NELL1: variants seen among roughly 807,000 people sequenced by gnomAD.
NELL1 encodes protein kinase C-binding protein NELL1.
NELL1 carries 76 observed loss-of-function variants against 107.4 expected under a neutral mutation model. The observed-to-expected ratio is 0.71, with a 90% CI of 0.59 to 0.86. The LOEUF (loss-of-function observed/expected upper bound fraction) is 0.86, where lower values mean the gene tolerates loss of function less well. NELL1 is among the 40% of genes least tolerant of loss of function. NELL1 has a pLI of 0.00. For missense variants in NELL1, 1,024 were observed against 1,005.5 expected (o/e 1.02, Z -0.25); for synonymous variants, 353 against 341.2 (o/e 1.03, Z -0.38).
At chr11:21,097,855 A>C (rs1304005839) in intron 12 of NELL1, among the ~76,000 whole-genome samples, 2 of 152,188 alleles carry the variant, frequency 1.3e-5, no homozygotes, top group Non-Finnish European at 2.9e-5. Flanking sequence ...TTATGCATTC[A>C]TTCAGAGGCA....
chr11:21,388,079 GTTT>G (rs34490004), intron 15 of NELL1, among the ~76,000 whole-genome samples: 14 of 147,518 alleles, frequency 9.5e-5, no homozygotes, highest in South Asian at 2.1e-4. Flanking sequence ...AAAATTCTAT[GTTT>G]TTTTTTTTTT....
Position 20,828,856 on chromosome 11 carries a change from A to C in NELL1, c.336-18727A>C, listed in dbSNP as rs78940095. On this transcript the variant is annotated intron_variant, in intron 3 of 19. Transcript: ENST00000357134. ...CTGGGTGAATGGATGGCTTCTGTTA[A>C]TTTATTATAAGAATAACTCAATCCG... is the stretch of plus-strand genomic sequence containing the variant. Among the ~76,000 whole-genome samples, 780 of 152,308 alleles carry C rather than the reference A, an allele frequency of 5.1e-3. 8 individuals are homozygous for C. The highest frequency in any genetic ancestry group is 0.018 in the African/African-American group (747 of 41,588).
At chr11:21,567,700 C>T (rs1256267456) in intron 17 of NELL1, among the ~76,000 whole-genome samples, 2 of 151,792 alleles carry the variant, frequency 1.3e-5, no homozygotes, top group South Asian at 2.1e-4. Flanking sequence ...TCTGATTATT[C>T]AGCGTTGTTG....
intron 4 of NELL1, among the ~76,000 whole-genome samples, chr11:20,871,119 AT>A (rs1849187789): frequency 6.6e-6 from 1 of 152,214 alleles, no homozygotes; most frequent in South Asian, 2.1e-4. Flanking sequence ...AGTAGCTACC[AT>A]TATTCAGCTA....
intron 13 of NELL1, among the ~76,000 whole-genome samples, chr11:21,215,384 G>A (rs1857591894): frequency 6.6e-6 from 1 of 152,164 alleles, no homozygotes; most frequent in African/African-American, 2.4e-5. Context: ...TTTATTAGCA[G>A]TGTGAGACTG....
At chr11:20,910,347 A>T (rs890697610) in intron 5 of NELL1, among the ~76,000 whole-genome samples, 3 of 152,202 alleles carry the variant, frequency 2.0e-5, no homozygotes, top group African/African-American at 7.2e-5. Context: ...GACTTAAGGG[A>T]TGGGGAAACA....
chr11:21,185,195 G>A lies in NELL1; in HGVS notation c.1427-44137G>A, dbSNP rs553177290. On this transcript the variant is annotated intron_variant, in intron 13 of 19. Coordinates refer to ENST00000357134, the MANE Select transcript of NELL1 (RefSeq NM_006157.5). ...AAGAATGTTTTCTCTCTTGATGTCTGCTACTAATGTTATAAATAAACAGCC... is the reference window on the plus strand; with the variant it reads ...AAGAATGTTTTCTCTCTTGATGTCTACTACTAATGTTATAAATAAACAGCC... Among the ~76,000 whole-genome samples, 8 of 151,238 alleles carry A rather than the reference G, an allele frequency of 5.3e-5. 1 individual carries two copies. In the South Asian group the frequency reaches 1.7e-3, roughly 31 times the overall value.
intron 15 of NELL1, among the ~76,000 whole-genome samples, chr11:21,392,749 G>T (rs548536945): frequency 5.9e-5 from 9 of 151,770 alleles, no homozygotes; most frequent in African/African-American, 1.7e-4. Context: ...AAGAAAAAAG[G>T]TTAATGGAAT....
intron 12 of NELL1, among the ~76,000 whole-genome samples, chr11:21,077,327 T>C (rs926632358): frequency 2.0e-5 from 3 of 152,104 alleles, no homozygotes; most frequent in Non-Finnish European, 4.4e-5. Context: ...AATAAAGATA[T>C]ATATCACAAA....
rs141581873 is a variant in NELL1, at chr11:21,434,063, G to A, written c.1645+63115G>A. On this transcript the variant is annotated intron_variant, in intron 15 of 19. Coordinates refer to ENST00000357134, the MANE Select transcript of NELL1 (RefSeq NM_006157.5). ...ATTATATGGTCTTTGCTGTTGAGAC[G>A]TTTGTGGTCCTTGTATATTCTGGAT... Among the ~76,000 whole-genome samples, 7 of 152,262 alleles carry A rather than the reference G, an allele frequency of 4.6e-5. No homozygotes were observed. In the East Asian group the frequency reaches 5.8e-4, roughly 13 times the overall value.
intron 3 of NELL1, among the ~76,000 whole-genome samples, chr11:20,838,798 G>C (rs1848574887): frequency 6.6e-6 from 1 of 152,040 alleles, no homozygotes; most frequent in Non-Finnish European, 1.5e-5. Context: ...TTGGTCATTA[G>C]TACAATTACC....
intron 17 of NELL1, 21 bp downstream of exon 17, chr11:21,560,403 C>T (rs987134496): frequency 3.3e-6 from 5 of 1,536,332 alleles, no homozygotes; most frequent in Non-Finnish European, 4.4e-6. Context: ...TGTGGTGCAG[C>T]AGAAATTGAA....
intron 14 of NELL1, among the ~76,000 whole-genome samples, chr11:21,340,278 G>A (rs1202819322): frequency 6.6e-6 from 1 of 151,816 alleles, no homozygotes; most frequent in Non-Finnish European, 1.5e-5. Flanking sequence ...TCAGCCTCCC[G>A]AGTAGCTGGG....
At chr11:20,705,577 G>T (rs187643704) in intron 2 of NELL1, among the ~76,000 whole-genome samples, 21,540 of 141,192 alleles carry the variant, frequency 0.15, 4,427 homozygotes, top group African/African-American at 0.19. Flanking sequence ...AGAAAACCTA[G>T]GCAATACCAT....
chr11:20,946,731 A>G (rs1850969115), intron 10 of NELL1, among the ~76,000 whole-genome samples: 1 of 152,144 alleles, frequency 6.6e-6, no homozygotes, highest in African/African-American at 2.4e-5. Context: ...GACACATTAT[A>G]ATACTTTTAT....
intron 7 of NELL1, among the ~76,000 whole-genome samples, chr11:20,926,447 GA>G (rs556589909): frequency 1.7e-3 from 265 of 151,864 alleles, no homozygotes; most frequent in African/African-American, 6.0e-3. Context: ...GGTATGGCAG[GA>G]AAAAAAGAAA....
chr11:21,157,161 A>ATATATATATG lies in NELL1; in HGVS notation c.1426+43448_1426+43449insATATATATGT, dbSNP rs372420048. Among the ~76,000 whole-genome samples, 100 of 149,740 alleles carry ATATATATATG rather than the reference A, an allele frequency of 6.7e-4. 1 individual carries two copies. The highest frequency in any genetic ancestry group is 2.3e-3 in the African/African-American group (94 of 40,704). The stretch of plus-strand genomic sequence containing the variant: ...TATGAATGTGTATGTATATATATAT[A>ATATATATATG]TGTGTGTGTGTGTGTGTGTGTGTAC... On this transcript the variant is annotated intron_variant, in intron 13 of 19. Transcript: ENST00000357134.
At chr11:21,498,189 A>T (rs1435045775) in intron 15 of NELL1, among the ~76,000 whole-genome samples, 1 of 151,570 alleles carries the variant, frequency 6.6e-6, no homozygotes, top group Non-Finnish European at 1.5e-5. Context: ...ATTTGAATAA[A>T]ATCTAAATTC....
intron 12 of NELL1, among the ~76,000 whole-genome samples, chr11:21,074,622 G>A (rs1179759282): frequency 2.0e-5 from 3 of 151,884 alleles, no homozygotes; most frequent in Non-Finnish European, 2.9e-5. Flanking sequence ...ATAATGCTAG[G>A]TTCAGTCCTC....
Sources: gnomAD v4.1 joint callset for allele counts (sites outside exome capture counted in the v4.1 genomes callset) on GRCh38, gnomAD v4.1.1 for gene constraint, MANE v1.5 for transcripts, NCBI Gene and HGNC (gene_info 2026-07-23, HGNC 2026-07-21) for gene names.